PIGQ: variants seen among roughly 807,000 people sequenced by gnomAD.
PIGQ encodes phosphatidylinositol glycan anchor biosynthesis class Q, also known as phosphatidylinositol N-acetylglucosaminyltransferase subunit Q.
A neutral mutation model predicts 60.3 loss-of-function variants in PIGQ; 54 were observed. The observed-to-expected ratio is 0.90, with a 90% confidence interval of 0.72 to 1.12. The LOEUF (loss-of-function observed/expected upper bound fraction) is 1.12, where lower values mean the gene tolerates loss of function less well. PIGQ is among the 50% of genes most tolerant of loss of function. The pLI is 0.00. For synonymous variants in PIGQ, 416 were observed against 363.7 expected, an observed-to-expected ratio of 1.14 and a Z score of -1.64; for missense variants, 799 against 793.5, an observed-to-expected ratio of 1.01 and a Z score of -0.08.
chr16:580,037 G>C lies in PIGQ; in HGVS notation c.1336-146G>C, dbSNP rs556890849. On this transcript the variant is annotated intron_variant, in intron 7 of 10. Coordinates refer to ENST00000321878, the MANE Select transcript of PIGQ (RefSeq NM_004204.5). ...TGGGTGGACAGCCCTCCTGCTACTGGGACTGCTTCTGAGCAGGCCATCCCG... is the reference window on the plus strand; with the variant it reads ...TGGGTGGACAGCCCTCCTGCTACTGCGACTGCTTCTGAGCAGGCCATCCCG... 7.6e-4 allele frequency: 436 copies of C among 570,062 alleles called. 1 individual carries two copies. Among genetic ancestry groups the C allele is most frequent in the Admixed American group, 1.5e-3 (55 of 36,690 alleles). 35.3% of individuals were successfully genotyped at this position (570,062 alleles called of 1,614,324 possible).
At position 583,736 on chromosome 16, in the gene PIGQ, C is replaced by T. The variant is rs768226794; in HGVS notation, c.*701C>T. The T allele has an allele frequency of 7.4e-6, 10 of 1,355,800 alleles. No individual in the cohort carries two copies. In the Admixed American group the frequency reaches 1.7e-4, roughly 23 times the overall value. The allele number at this position is 1,355,800 out of a possible 1,614,324, so 84.0% of individuals were successfully genotyped here. A position where few individuals can be genotyped will look rare whatever the true frequency, so the allele number is the denominator to read the frequency against. On this transcript the variant is annotated 3_prime_UTR_variant, in exon 11 of 11. Coordinates refer to ENST00000321878, the MANE Select transcript of PIGQ (RefSeq NM_004204.5). ...ACTGACCCAGCCGTACCTATTCGTCCACGGTGCCCCGTAGCAGCAGGTCCT... is the reference window on the plus strand; with the variant it reads ...ACTGACCCAGCCGTACCTATTCGTCTACGGTGCCCCGTAGCAGCAGGTCCT...
rs550867854 is a variant in PIGQ at position 577,376 on chromosome 16, G to C, written c.943-1003G>C. On this transcript the variant is annotated intron_variant, in intron 4 of 10. Coordinates refer to ENST00000321878, the MANE Select transcript of PIGQ (RefSeq NM_004204.5). The stretch of plus-strand genomic sequence containing the variant: ...GCGGATCATGAGGTCAGGAGATCGA[G>C]ACCATCCTGGCTAACACAGTGAAAT... 3.9e-5 allele frequency: 6 copies of C among 152,208 alleles called. No homozygotes were observed. In the East Asian group the frequency reaches 7.8e-4, roughly 20 times the overall value. The allele number at this position is 152,208 out of a possible 1,614,324, so 9.4% of individuals were successfully genotyped here.
Position 576,152 on chromosome 16 carries a change from C to G in PIGQ, c.840C>G (p.Ala280=), listed in dbSNP as rs1567175583. ...AQLMRKANTV[A]SVLLDVALGL... is the part of the protein sequence containing the mutation. ...CTTCCAGGAAGGCCAACACGGTGGC[C>G]TCTGTGCTGCTGGACGTGGCCCTGG... The change falls in exon 4 of 11, where the codon GCC becomes GCG. Residue 280 remains alanine, a synonymous_variant. Coordinates refer to ENST00000321878, the MANE Select transcript of PIGQ (RefSeq NM_004204.5). 6.5e-7 allele frequency: 1 copy of G among 1,549,006 alleles called. No homozygotes were observed. The highest frequency in any genetic ancestry group is 2.4e-5 in the East Asian group (1 of 40,914).
Position 583,579 on chromosome 16 carries a change from TC to T in PIGQ, c.*547del. The T allele has an allele frequency of 6.2e-7, 1 of 1,612,598 alleles. No individual in the cohort carries two copies. The highest frequency in any genetic ancestry group is 8.5e-7 in the Non-Finnish European group (1 of 1,179,808). On this transcript the variant is annotated 3_prime_UTR_variant, in exon 11 of 11. Transcript: ENST00000321878. ...GTCCCCAGCGGGCCCGGGCCCTCAC[TC>T]CCTGAACCACACGGGGTTTATTTGC... is the stretch of plus-strand genomic sequence containing the variant.
At chr16:577,395 G>T (rs891150249) in intron 4 of PIGQ, among the ~76,000 whole-genome samples, 1 of 151,684 alleles carries the variant, frequency 6.6e-6, no homozygotes, top group East Asian at 1.9e-4. Context: ...GGCTAACACA[G>T]TGAAATCCCG....
At chr16:579,842 GTGCCCGGGCTCGGAGACTAGAGT>G (rs1166405336) in intron 7 of PIGQ, 4 of 180,208 alleles carry the variant, frequency 2.2e-5, no homozygotes, top group African/African-American at 4.9e-5. Flanking sequence ...GAGACTAGAG[GTGCCCGGGCTCGGAGACTAGAGT>G]TGCCCGGGCC....
Position 583,573 on chromosome 16 carries a change from C to A in PIGQ, c.*538C>A. On this transcript the variant is annotated 3_prime_UTR_variant, in exon 11 of 11. Coordinates refer to ENST00000321878, the MANE Select transcript of PIGQ (RefSeq NM_004204.5). ...ACCCCCGTCCCCAGCGGGCCCGGGC[C>A]CTCACTCCCTGAACCACACGGGGTT... is the stretch of plus-strand genomic sequence containing the variant. 6.2e-7 allele frequency: 1 copy of A among 1,612,606 alleles called. No individual in the cohort carries two copies. The highest frequency in any genetic ancestry group is 8.5e-7 in the Non-Finnish European group (1 of 1,179,776).
chr16:582,711 TC>T, intron 10 of PIGQ, 171 bp from the exon 11 acceptor site: 1 of 750,568 alleles, frequency 1.3e-6, no homozygotes, highest in Non-Finnish European at 2.2e-6. Context: ...AGCGCTCCCT[TC>T]TGGCTGCAGG....
chr16:574,020 G>A (rs768892105), intron 1 of PIGQ, 46 bp from the exon 2 acceptor site: 3 of 1,386,142 alleles, frequency 2.2e-6, no homozygotes, highest in Middle Eastern at 1.9e-4. Flanking sequence ...CCCACGGTGG[G>A]GGGGCAGCAG....
In PIGQ at chr16:583,565, G is replaced by T. The variant is rs1470979166; in HGVS notation, c.*530G>T. 6.2e-7 allele frequency: 1 copy of T among 1,612,586 alleles called. No individual in the cohort carries two copies. The highest frequency in any genetic ancestry group is 1.1e-5 in the South Asian group (1 of 91,086). ...AGTCGCTGACCCCCGTCCCCAGCGG[G>T]CCCGGGCCCTCACTCCCTGAACCAC... is the stretch of plus-strand genomic sequence containing the variant. On this transcript the variant is annotated 3_prime_UTR_variant, in exon 11 of 11. Transcript: ENST00000321878.
At chr16:572,458 C>T (rs764843677) in intron 1 of PIGQ, 2 of 453,770 alleles carry the variant, frequency 4.4e-6, no homozygotes, top group Admixed American at 2.4e-5. Context: ...TCTTAAGCCC[C>T]AGGCATTTCC....
In PIGQ at chr16:574,433, C is replaced by T. The variant is rs2035683660; in HGVS notation, c.359C>T (p.Ala120Val). 6.2e-7 allele frequency: 1 copy of T among 1,610,790 alleles called. No homozygotes were observed. Residue 120 changes from alanine (A) to valine (V), a missense_variant, in exon 2 of 11, where the codon GCC (alanine) becomes GTC (valine). Coordinates refer to ENST00000321878, the MANE Select transcript of PIGQ (RefSeq NM_004204.5). The stretch of plus-strand genomic sequence containing the variant: ...CGGCAAGCGCCCACTGCCCCCGGTG[C>T]CCCTGGTGAGGACCAGGTCATGCTC... ...THRQAPTAPG[A>V]PGEDQVMLIF...
intron 1 of PIGQ, 142 bp downstream of exon 1, chr16:570,238 C>G (rs913393732): frequency 1.3e-5 from 2 of 152,016 alleles, no homozygotes; most frequent in Admixed American, 6.5e-5. Context: ...CGGGCCCGCG[C>G]CGACCTGGGC....
intron 4 of PIGQ, 101 bp from the exon 5 acceptor site, chr16:578,278 G>A: frequency 1.6e-6 from 2 of 1,261,684 alleles, no homozygotes; most frequent in South Asian, 1.4e-5. Context: ...CTGGAGGAGG[G>A]AAGGCTGGCC....
intron 6 of PIGQ, 32 bp downstream of exon 6, chr16:578,970 C>T (rs762304379): frequency 5.8e-6 from 9 of 1,542,136 alleles, no homozygotes; most frequent in South Asian, 1.1e-5. Context: ...CCCACCGCCC[C>T]CTGGGAGGTG....
chr16:576,154 CTG>C lies in PIGQ; in HGVS notation c.845_846del (p.Val282AlafsTer32), dbSNP rs1491416359. 2 of 1,549,018 alleles carry C rather than the reference CTG, an allele frequency of 1.3e-6. No individual in the cohort carries two copies. Among genetic ancestry groups the C allele is most frequent in the Admixed American group, 3.9e-5 (2 of 50,992 alleles). On this transcript the variant is annotated frameshift_variant, in exon 4 of 11. Transcript: ENST00000321878. LOFTEE classifies it high-confidence loss of function. The stretch of plus-strand genomic sequence containing the variant: ...TCCAGGAAGGCCAACACGGTGGCCT[CTG>C]TGCTGCTGGACGTGGCCCTGGGCCT...
At chr16:580,668 G>A (rs984530097) in intron 8 of PIGQ, 190 bp from the exon 9 acceptor site, 1 of 612,694 alleles carries the variant, frequency 1.6e-6, no homozygotes, top group East Asian at 2.7e-5. Flanking sequence ...AGGGCCGGGT[G>A]CTCCGCCTCC....
At chr16:576,678 CCCTGTG>C (rs1376151243) in intron 4 of PIGQ, 1 of 435,376 alleles carries the variant, frequency 2.3e-6, no homozygotes, top group Non-Finnish European at 4.0e-6. Context: ...CCTGCCCTGC[CCCTGTG>C]CTGATTCTGT....
intron 8 of PIGQ, 51 bp from the exon 9 acceptor site, chr16:580,807 T>C: frequency 1.2e-6 from 1 of 846,154 alleles, no homozygotes; most frequent in Non-Finnish European, 2.0e-6. Flanking sequence ...CGGACTGCTC[T>C]GCCCCCAGGC....
Sources: gnomAD v4.1 joint callset for allele counts (sites outside exome capture counted in the v4.1 genomes callset) on GRCh38, gnomAD v4.1.1 for gene constraint, MANE v1.5 for transcripts, NCBI Gene and HGNC (gene_info 2026-07-23, HGNC 2026-07-21) for gene names.